The following ZC3H12B variants were observed in gnomAD, a reference collection of about 807,000 sequenced individuals.
ZC3H12B encodes zinc finger CCCH-type containing 12B.
A neutral mutation model predicts 43.9 loss-of-function variants in ZC3H12B; 7 were observed. The ratio of observed to expected loss-of-function variants is 0.16; its 90% confidence interval spans 0.09 to 0.30. The LOEUF is 0.30. Ranked by LOEUF, ZC3H12B falls within the 10% of genes least tolerant of loss-of-function variation. ZC3H12B has a pLI of 1.00. For synonymous variants in ZC3H12B, 222 were observed against 241.7 expected (o/e 0.92, Z 0.76); for missense variants, 475 against 670.2 (o/e 0.71, Z 3.22).
At chrX:65,165,588 A>T in the ZC3H12B span, among the ~76,000 whole-genome samples, 1 of 112,178 alleles carries the variant, frequency 8.9e-6, no homozygotes, top group Admixed American at 9.5e-5. Flanking sequence ...GATGGTTTCC[A>T]TCCAGCTTCA....
intron 2 of ZC3H12B, among the ~76,000 whole-genome samples, chrX:65,386,847 C>A (rs916015595): frequency 6.3e-4 from 70 of 111,336 alleles, no homozygotes; most frequent in African/African-American, 2.3e-3. Context: ...TATGTTGTGT[C>A]TTTGTTCTCG....
upstream of ZC3H12B, among the ~76,000 whole-genome samples, chrX:65,485,260 T>C (rs1047567007): frequency 9.8e-5 from 11 of 112,271 alleles, no homozygotes; most frequent in African/African-American, 3.2e-4. Context: ...AACAATTCTA[T>C]GTCTTGTTGT....
At chrX:65,491,129 C>G (rs2068196160) in intron 1 of ZC3H12B, among the ~76,000 whole-genome samples, 1 of 112,033 alleles carries the variant, frequency 8.9e-6, no homozygotes, top group Non-Finnish European at 1.9e-5. Flanking sequence ...AGTGAGAACT[C>G]GAACTTAAGT....
chrX:65,432,620 C>T (rs1216023412), intron 3 of ZC3H12B, among the ~76,000 whole-genome samples: 1 of 111,896 alleles, frequency 8.9e-6, no homozygotes, highest in Non-Finnish European at 1.9e-5. Context: ...CAGAATAAGA[C>T]AACCAAATTT....
chrX:65,393,748 G>T (rs774337508), intron 2 of ZC3H12B, among the ~76,000 whole-genome samples: 1 of 111,668 alleles, frequency 9.0e-6, no homozygotes, highest in Non-Finnish European at 1.9e-5. Context: ...TGGTATTTCT[G>T]GTTCTAGATG....
chrX:65,443,369 C>G (rs1012665062), intron 3 of ZC3H12B, among the ~76,000 whole-genome samples: 1 of 110,951 alleles, frequency 9.0e-6, no homozygotes, highest in African/African-American at 3.3e-5. Context: ...TGGGGAGACC[C>G]TAACCTAGAG....
At chrX:65,182,936 G>T in the ZC3H12B span, among the ~76,000 whole-genome samples, 1 of 111,732 alleles carries the variant, frequency 8.9e-6, no homozygotes, top group Non-Finnish European at 1.9e-5. Flanking sequence ...TGCTGGCTAG[G>T]TTGTGAAAAA....
At position 65,380,323 on chromosome X, in the gene ZC3H12B, AT is replaced by A. The variant is rs773578325; in HGVS notation, n.295+11329del. On this transcript the variant is annotated intron_variant and non_coding_transcript_variant, in intron 2 of 5. Coordinates refer to the ZC3H12B transcript ENST00000617377. ...ATATTCAACATTCTTAAAGAAAAGA[AT>A]TTTCAACCGAGAATTTCATATCCAG... 2.7e-5 allele frequency among the ~76,000 whole-genome samples: 3 copies of A among 112,015 alleles called. No individual in the cohort carries two copies. The East Asian group carries it at 8.3e-4, about 31-fold the overall frequency.
chrX:65,114,779 T>A, the ZC3H12B span, among the ~76,000 whole-genome samples: 2 of 110,411 alleles, frequency 1.8e-5, no homozygotes, highest in Non-Finnish European at 3.8e-5. Context: ...TTCTTTCACT[T>A]GTTTTGGGAT....
chrX:65,438,366 CT>C (rs1331017873), intron 3 of ZC3H12B, among the ~76,000 whole-genome samples: 1 of 111,707 alleles, frequency 9.0e-6, no homozygotes, highest in Non-Finnish European at 1.9e-5. Flanking sequence ...AATATCTTTC[CT>C]TTTTTTATGT....
intron 3 of ZC3H12B, among the ~76,000 whole-genome samples, chrX:65,456,783 G>A (rs1272794698): frequency 2.1e-4 from 23 of 108,954 alleles, no homozygotes; most frequent in Admixed American, 3.9e-4. Context: ...GCGTGATCTC[G>A]GCTCGCTACA....
intron 3 of ZC3H12B, among the ~76,000 whole-genome samples, chrX:65,406,812 C>G (rs1327708646): frequency 8.9e-6 from 1 of 112,647 alleles, no homozygotes; most frequent in Non-Finnish European, 1.9e-5. Flanking sequence ...CGCCACCCCA[C>G]CCTCGCACGG....
At chrX:65,102,803 G>T in the ZC3H12B span, among the ~76,000 whole-genome samples, 24 of 111,311 alleles carry the variant, frequency 2.2e-4, no homozygotes, top group East Asian at 6.3e-3. Context: ...TTAAAGCTGG[G>T]TGTCCAGGGG....
chrX:65,095,850 C>T, the ZC3H12B span, among the ~76,000 whole-genome samples: 1 of 110,893 alleles, frequency 9.0e-6, no homozygotes, highest in Admixed American at 9.7e-5. Flanking sequence ...GGGGGCCATG[C>T]TCATTAAAAG....
At chrX:65,331,711 A>G in the ZC3H12B span, among the ~76,000 whole-genome samples, 1 of 110,985 alleles carries the variant, frequency 9.0e-6, no homozygotes, top group African/African-American at 3.3e-5. Context: ...CTTCTTGATT[A>G]TATGCTAAGC....
the ZC3H12B span, among the ~76,000 whole-genome samples, chrX:65,074,458 G>T: frequency 9.0e-6 from 1 of 111,076 alleles, no homozygotes. Context: ...AAGCCCTTTG[G>T]TTTCCTATTA....
intron 2 of ZC3H12B, among the ~76,000 whole-genome samples, chrX:65,371,001 C>T (rs999319812): frequency 8.1e-5 from 9 of 111,607 alleles, no homozygotes; most frequent in Non-Finnish European, 1.3e-4. Context: ...CCTCACTGTC[C>T]CCTTTTATAC....
intron 2 of ZC3H12B, among the ~76,000 whole-genome samples, chrX:65,376,074 G>C (rs1285781038): frequency 8.9e-6 from 1 of 111,903 alleles, no homozygotes; most frequent in Non-Finnish European, 1.9e-5. Context: ...CTGCCCTAAA[G>C]GGTGAGTCTC....
At chrX:65,296,805 C>A in the ZC3H12B span, among the ~76,000 whole-genome samples, 1 of 111,132 alleles carries the variant, frequency 9.0e-6, no homozygotes, top group African/African-American at 3.3e-5. Context: ...AGATAATCCA[C>A]CATGATCAAG....
Sources: gnomAD v4.1 joint callset for allele counts (sites outside exome capture counted in the v4.1 genomes callset) on GRCh38, gnomAD v4.1.1 for gene constraint, MANE v1.5 for transcripts, NCBI Gene and HGNC (gene_info 2026-07-23, HGNC 2026-07-21) for gene names.